Variants in SPTBN2 observed in about 807,000 individuals in gnomAD.
SPTBN2 encodes the protein spectrin beta chain, non-erythrocytic 2.
In SPTBN2, 107 loss-of-function variants were observed where a neutral mutation model predicts 284.2. The ratio of observed to expected loss-of-function variants is 0.38; its 90% confidence interval spans 0.32 to 0.44. The LOEUF (loss-of-function observed/expected upper bound fraction) is 0.44, where lower values mean the gene tolerates loss of function less well. SPTBN2 is among the 20% of genes least tolerant of loss of function. The pLI is 1.00. For missense variants in SPTBN2, 2,569 were observed against 3,287.1 expected (o/e 0.78, Z 5.34); for synonymous variants, 1,289 against 1,354.8 (o/e 0.95, Z 1.07).
chr11:66,711,423 G>C (rs1297536534), intron 8 of SPTBN2, among the ~76,000 whole-genome samples: 2 of 152,216 alleles, frequency 1.3e-5, no homozygotes, highest in African/African-American at 4.8e-5. Flanking sequence ...CAGTGGGACG[G>C]AAGGTATGAA....
At chr11:66,686,817 G>T in intron 36 of SPTBN2, 177 bp downstream of exon 36, 2 of 816,138 alleles carry the variant, frequency 2.5e-6, no homozygotes, top group Non-Finnish European at 4.0e-6. Context: ...TGCTCCCCTT[G>T]GTGTGGAGAC....
At position 66,701,223 on chromosome 11, in the gene SPTBN2, C is replaced by T. The variant is rs1349737741; in HGVS notation, c.2876G>A (p.Ser959Asn). 1.2e-6 allele frequency: 2 copies of T among 1,613,156 alleles called. No homozygotes were observed. Among genetic ancestry groups the T allele is most frequent in the African/African-American group, 2.7e-5 (2 of 75,070 alleles). Residue 959 changes from serine (S) to asparagine (N), a missense_variant, in exon 17 of 38, where the codon AGC becomes AAC. Around this residue, in one of 6 missense-constraint regions of SPTBN2, gnomAD observed 1,012 missense variants for 1,248.9 expected, o/e 0.81. Coordinates refer to ENST00000533211, the MANE Select transcript of SPTBN2 (RefSeq NM_006946.4). ...GKKAALTSAL[S>N]IQNYHLECTE... ...GCACTCTAAGTGGTAGTTCTGGATG[C>T]TCAGGGCTGAGGTGAGAGCTGCCTT...
chr11:66,686,178 G>C, intron 37 of SPTBN2, 74 bp from the exon 38 acceptor site: 1 of 1,488,022 alleles, frequency 6.7e-7, no homozygotes. Context: ...GCAGGGAAGT[G>C]TAAGAGGAGG....
chr11:66,730,092 G>A (rs778829872), upstream of SPTBN2, among the ~76,000 whole-genome samples: 21 of 152,028 alleles, frequency 1.4e-4, no homozygotes, highest in Non-Finnish European at 2.4e-4. Flanking sequence ...GTGAGCTGCC[G>A]TGCCAGGCCT....
chr11:66,697,982 C>A (rs1451265675), intron 20 of SPTBN2, among the ~76,000 whole-genome samples: 1 of 152,200 alleles, frequency 6.6e-6, no homozygotes, highest in Non-Finnish European at 1.5e-5. Context: ...GTAGACCCTG[C>A]AGTGCCTCGC....
chr11:66,688,211 T>G lies in SPTBN2; in HGVS notation c.6332A>C (p.Asp2111Ala). 6.2e-7 allele frequency: 1 copy of G among 1,613,610 alleles called. No homozygotes were observed. The highest frequency in any genetic ancestry group is 8.5e-7 in the Non-Finnish European group (1 of 1,180,022). The change falls in exon 32 of 38, where the codon GAC becomes GCC. Residue 2111 changes from aspartate (D) to alanine (A), a missense_variant. Physicochemically the swap from Asp to Ala is moderately radical, Grantham distance 126. This residue lies in a region of SPTBN2 where 1,130 missense variants were observed against 1,317.3 expected (regional missense o/e 0.86). Coordinates refer to ENST00000533211, the MANE Select transcript of SPTBN2 (RefSeq NM_006946.4). ...PEPTASVPPG[D>A]LVGGQTASDT... is the part of the protein sequence containing the mutation. ...AGAAGCTGTCTGGCCGCCCACCAGG[T>G]CCCCTGGAGGCACACTGGCTGTGGG...
intron 21 of SPTBN2, among the ~76,000 whole-genome samples, chr11:66,695,843 C>T (rs1047380441): frequency 2.6e-5 from 4 of 152,036 alleles, no homozygotes; most frequent in Non-Finnish European, 5.9e-5. Context: ...TATCCTCCTC[C>T]CTCAGCCCTC....
chr11:66,739,900 T>C (rs1942882441), intron 1 of SPTBN2, among the ~76,000 whole-genome samples: 1 of 152,074 alleles, frequency 6.6e-6, no homozygotes, highest in Non-Finnish European at 1.5e-5. Context: ...GGTACGGTGA[T>C]GCATGCCTGT....
chr11:66,701,779 C>T (rs1190070362), intron 15 of SPTBN2, 58 bp from the exon 16 acceptor site: 23 of 1,612,144 alleles, frequency 1.4e-5, no homozygotes, highest in South Asian at 7.7e-5. Context: ...GCCCAGTCCA[C>T]CTAAGTCCAC....
At chr11:66,694,106 G>T in intron 22 of SPTBN2, 33 bp downstream of exon 22, 2 of 1,598,918 alleles carry the variant, frequency 1.3e-6, no homozygotes, top group South Asian at 2.2e-5. Flanking sequence ...CATGGCTGGG[G>T]GCAGCTTGCC....
Position 66,683,063 on chromosome 11 carries a change from A to ATTTTTTTT in SPTBN2, c.*2800_*2807dup, listed in dbSNP as rs55950324. Reference sequence around the variant, plus strand: ...ACCACCATGCCTGGCCAAGTAATCCATTTTTTTTTTTTTTTTTTTTTTGAG... The same window carrying ATTTTTTTT: ...ACCACCATGCCTGGCCAAGTAATCCATTTTTTTTTTTTTTTTTTTTTTTTTTTTTTGAG... On this transcript the variant is annotated 3_prime_UTR_variant, in exon 38 of 38. Transcript: ENST00000533211. Among the ~76,000 whole-genome samples, 1 of 95,730 alleles carries ATTTTTTTT rather than the reference A, an allele frequency of 1.0e-5. No homozygotes were observed. The highest frequency in any genetic ancestry group is 1.9e-5 in the Non-Finnish European group (1 of 53,988). 62.8% of individuals were successfully genotyped at this position (95,730 alleles called of 152,430 possible).
intron 1 of SPTBN2, among the ~76,000 whole-genome samples, chr11:66,722,501 A>T (rs192465246): frequency 4.3e-4 from 63 of 147,090 alleles, no homozygotes; most frequent in Non-Finnish European, 1.5e-4. Flanking sequence ...GCGTGAACCC[A>T]GGAGGCGGAG....
At chr11:66,721,321 C>A in intron 2 of SPTBN2, 29 bp downstream of exon 2, 2 of 1,573,492 alleles carry the variant, frequency 1.3e-6, no homozygotes, top group Non-Finnish European at 1.7e-6. Flanking sequence ...CTCCACTCAC[C>A]ACCGGGGCCT....
In SPTBN2 at chr11:66,707,997, C is replaced by T. The variant is rs138781449; in HGVS notation, c.1350+144G>A. 9.2e-5 allele frequency: 133 copies of T among 1,447,398 alleles called. 2 individuals carry two copies. The Middle Eastern group carries it at 2.1e-3, about 23-fold the overall frequency. 89.7% of individuals were successfully genotyped at this position (1,447,398 alleles called of 1,614,324 possible). Reference sequence around the variant, plus strand: ...CCTCTCTCCTGTCCCACCCTCTGGCCCCTGGCTCCCGGACCTCTAGGCCTT... The same window carrying T: ...CCTCTCTCCTGTCCCACCCTCTGGCTCCTGGCTCCCGGACCTCTAGGCCTT... On this transcript the variant is annotated intron_variant, in intron 12 of 37. Transcript: ENST00000533211. The surrounding 1 kb of genome is among the most constrained non-coding windows in gnomAD (Gnocchi z 4.9).
chr11:66,716,299 C>T (rs1049487410), intron 3 of SPTBN2, among the ~76,000 whole-genome samples: 5 of 151,954 alleles, frequency 3.3e-5, no homozygotes, highest in African/African-American at 4.8e-5. Flanking sequence ...CTGGCTAACA[C>T]GGTGAAACCC....
chr11:66,687,821 A>T lies in SPTBN2; in HGVS notation c.6501+47T>A. On this transcript the variant is annotated intron_variant, in intron 34 of 37. Transcript: ENST00000533211. The surrounding 1 kb of genome is among the most constrained non-coding windows in gnomAD (Gnocchi z 5.2). ...CACCCGCACTCACCACCCCCTCTGG[A>T]CCCTTCGCCTCACAGTTATCAACAC... The T allele has an allele frequency of 1.9e-6, 3 of 1,607,426 alleles. No homozygotes were observed. Among genetic ancestry groups the T allele is most frequent in the Non-Finnish European group, 2.6e-6 (3 of 1,174,246 alleles).
At chr11:66,721,884 A>G (rs1318949379) in intron 1 of SPTBN2, among the ~76,000 whole-genome samples, 1 of 152,084 alleles carries the variant, frequency 6.6e-6, no homozygotes, top group Non-Finnish European at 1.5e-5. Context: ...TATCTCTACT[A>G]AAAATACAAA....
At chr11:66,695,893 C>T (rs750033829) in intron 21 of SPTBN2, among the ~76,000 whole-genome samples, 4 of 152,162 alleles carry the variant, frequency 2.6e-5, no homozygotes, top group African/African-American at 4.8e-5. Context: ...TGCGCCACCA[C>T]GCCTGGCTAA....
chr11:66,712,584 T>A (rs1941925833), intron 8 of SPTBN2: 1 of 151,322 alleles, frequency 6.6e-6, no homozygotes, highest in Non-Finnish European at 1.5e-5. Context: ...GTTACTGATC[T>A]CATCGATCTC....
Sources: allele counts gnomAD v4.1 joint callset (sites outside exome capture counted in the v4.1 genomes callset), GRCh38; gene constraint gnomAD v4.1.1; regional missense constraint gnomAD v4.1.1; non-coding constraint Gnocchi (gnomAD v3.1); transcripts MANE v1.5; gene names NCBI Gene and HGNC (gene_info 2026-07-23, HGNC 2026-07-21).